The following GRIP1 variants were observed in gnomAD, a reference collection of about 807,000 sequenced individuals.
GRIP1 encodes the protein glutamate receptor-interacting protein 1.
In GRIP1, 45 loss-of-function variants were observed where a neutral mutation model predicts 129.9. That is an observed-to-expected ratio of 0.35 (90% CI 0.27 to 0.44). The LOEUF (loss-of-function observed/expected upper bound fraction) is 0.44. Ranked by LOEUF, GRIP1 falls within the 20% of genes least tolerant of loss-of-function variation. GRIP1 has a pLI of 1.00. For synonymous variants in GRIP1, 530 were observed against 520.8 expected (o/e 1.02, Z -0.24); for missense variants, 1,196 against 1,396.8 (o/e 0.86, Z 2.29).
At chr12:66,475,937 A>C (rs2059593822) in intron 7 of GRIP1, among the ~76,000 whole-genome samples, 1 of 151,838 alleles carries the variant, frequency 6.6e-6, no homozygotes, top group South Asian at 2.1e-4. Flanking sequence ...ATGTGATCTA[A>C]AAAAGATCAC....
At chr12:66,720,264 T>C (rs1057499662) in intron 1 of GRIP1, among the ~76,000 whole-genome samples, 3 of 152,176 alleles carry the variant, frequency 2.0e-5, no homozygotes, top group African/African-American at 7.2e-5. Context: ...TAAAAAGCAA[T>C]GTACATACCC....
At chr12:66,865,823 T>C (rs1375941165) in intron 1 of GRIP1, among the ~76,000 whole-genome samples, 4 of 152,158 alleles carry the variant, frequency 2.6e-5, no homozygotes, top group African/African-American at 4.8e-5. Flanking sequence ...ATTTTTAGAT[T>C]ATCTCTCTTC....
chr12:66,543,115 G>C (rs2061836761), intron 2 of GRIP1, among the ~76,000 whole-genome samples: 1 of 152,122 alleles, frequency 6.6e-6, no homozygotes, highest in African/African-American at 2.4e-5. Flanking sequence ...ATTAGGTAAG[G>C]AAACAGTATC....
chr12:66,409,089 G>C (rs71450861), intron 15 of GRIP1, among the ~76,000 whole-genome samples: 1 of 152,140 alleles, frequency 6.6e-6, no homozygotes, highest in Non-Finnish European at 1.5e-5. Flanking sequence ...GGGGCCAGGG[G>C]GAGCTCACTG....
At chr12:66,654,643 TGTGATAAGCAAG>T (rs2033026161) in intron 1 of GRIP1, among the ~76,000 whole-genome samples, 1 of 151,918 alleles carries the variant, frequency 6.6e-6, no homozygotes, top group East Asian at 1.9e-4. Context: ...AGGACAAAGG[TGTGATAAGCAAG>T]GTGGTAGCAT....
At chr12:66,461,393 C>G (rs573985078) in intron 9 of GRIP1, among the ~76,000 whole-genome samples, 1 of 152,134 alleles carries the variant, frequency 6.6e-6, no homozygotes, top group Non-Finnish European at 1.5e-5. Context: ...TGATGACTGC[C>G]GATTAATTTA....
chr12:66,467,469 G>A (rs1362876793), intron 7 of GRIP1, among the ~76,000 whole-genome samples: 1 of 152,132 alleles, frequency 6.6e-6, no homozygotes, highest in Non-Finnish European at 1.5e-5. Flanking sequence ...TCTCATCTTG[G>A]AGTTTTCAGT....
intron 5 of GRIP1, among the ~76,000 whole-genome samples, chr12:66,526,676 A>G (rs958197534): frequency 6.6e-6 from 1 of 151,932 alleles, no homozygotes; most frequent in Admixed American, 6.5e-5. Context: ...AAAATTGACA[A>G]ATGGGATCTA....
chr12:66,832,985 T>C (rs983404508), intron 1 of GRIP1, among the ~76,000 whole-genome samples: 1 of 152,188 alleles, frequency 6.6e-6, no homozygotes, highest in African/African-American at 2.4e-5. Flanking sequence ...TTGAGATGTG[T>C]TCCTCCTGGT....
intron 1 of GRIP1, among the ~76,000 whole-genome samples, chr12:66,836,889 T>C (rs1335050568): frequency 6.6e-6 from 1 of 152,216 alleles, no homozygotes; most frequent in Non-Finnish European, 1.5e-5. Flanking sequence ...AGCTGGACTA[T>C]CAAAGAAGCA....
intron 7 of GRIP1, among the ~76,000 whole-genome samples, chr12:66,493,685 C>T (rs2060163692): frequency 1.3e-5 from 2 of 152,122 alleles, no homozygotes; most frequent in Non-Finnish European, 2.9e-5. Flanking sequence ...ACATTCTGCC[C>T]ATGTCCATAG....
At chr12:66,992,078 T>C (rs2135644658) in intron 1 of GRIP1, among the ~76,000 whole-genome samples, 1 of 152,354 alleles carries the variant, frequency 6.6e-6, no homozygotes, top group Non-Finnish European at 1.5e-5. Flanking sequence ...AGGCATAGAT[T>C]GCACTCTGTT....
At chr12:66,839,738 A>T (rs1459644094) in intron 1 of GRIP1, among the ~76,000 whole-genome samples, 1 of 152,232 alleles carries the variant, frequency 6.6e-6, no homozygotes, top group African/African-American at 2.4e-5. Context: ...TTATGAGAAC[A>T]GGTATCCTAC....
intron 6 of GRIP1, among the ~76,000 whole-genome samples, chr12:66,516,008 A>G (rs572723025): frequency 6.6e-6 from 1 of 152,276 alleles, no homozygotes; most frequent in East Asian, 1.9e-4. Context: ...AATTACCCAC[A>G]GGTAATTCTT....
intron 2 of GRIP1, among the ~76,000 whole-genome samples, chr12:66,552,999 A>G (rs1284569211): frequency 1.3e-5 from 2 of 152,254 alleles, no homozygotes; most frequent in East Asian, 1.9e-4. Flanking sequence ...TGTGCTGCCT[A>G]TATCAAGGAC....
At chr12:66,805,333 G>A (rs10784588), upstream of GRIP1, among the ~76,000 whole-genome samples, 47,810 of 151,938 alleles carry the variant, frequency 0.31, 8,154 homozygotes, top group South Asian at 0.41. Flanking sequence ...CTTCATAGTA[G>A]ACGAGAGAGG....
chr12:66,947,199 G>A (rs2041686564), intron 1 of GRIP1, among the ~76,000 whole-genome samples: 1 of 152,148 alleles, frequency 6.6e-6, no homozygotes, highest in African/African-American at 2.4e-5. Flanking sequence ...TCTGCTGAAA[G>A]TGTAGGTAGC....
intron 4 of GRIP1, 149 bp downstream of exon 4, chr12:66,538,929 G>A: frequency 1.4e-6 from 1 of 701,788 alleles, no homozygotes; most frequent in Non-Finnish European, 2.4e-6. Context: ...GTCTTACTGT[G>A]CCAAATTTAT....
chr12:66,930,039 T>TTCTC (rs1248824999), intron 1 of GRIP1, among the ~76,000 whole-genome samples: 1,865 of 143,364 alleles, frequency 0.013, 51 homozygotes, highest in African/African-American at 0.043. Flanking sequence ...GTTACCCAGG[T>TTCTC]TCTCTCTCTC....
Sources: gnomAD v4.1 joint callset for allele counts (sites outside exome capture counted in the v4.1 genomes callset) on GRCh38, gnomAD v4.1.1 for gene constraint, MANE v1.5 for transcripts, NCBI Gene and HGNC (gene_info 2026-07-23, HGNC 2026-07-21) for gene names.